The following TMEM51 variants were observed in gnomAD, a reference collection of about 807,000 sequenced individuals.
The protein encoded by TMEM51 is chromosome 1 open reading frame 72.
In TMEM51, 8 loss-of-function variants were observed where a neutral mutation model predicts 13.6. The ratio of observed to expected loss-of-function variants is 0.59; its 90% CI spans 0.35 to 1.07. The LOEUF (loss-of-function observed/expected upper bound fraction) is 1.07, where lower values mean the gene tolerates loss of function less well. Among genes scored for constraint, TMEM51 ranks in the 50% least tolerant of loss-of-function variants. The probability of loss-of-function intolerance (pLI) is 0.02; values close to 1 mark genes in which losing one functional copy is unlikely to be tolerated. For missense variants in TMEM51, 279 were observed against 330.7 expected, an observed-to-expected ratio of 0.84 and a Z score of 1.21; for synonymous variants, 147 against 144.4, an observed-to-expected ratio of 1.02 and a Z score of -0.13.
intron 1 of TMEM51, chr1:15,192,496 A>G (rs1161892833): frequency 5.7e-6 from 1 of 174,614 alleles, no homozygotes; most frequent in African/African-American, 3.2e-5. Context: ...TCTGCTGCCC[A>G]GGCTGGAGTG....
intron 1 of TMEM51, among the ~76,000 whole-genome samples, chr1:15,195,099 G>A (rs1004800115): frequency 6.6e-6 from 1 of 151,364 alleles, no homozygotes; most frequent in South Asian, 2.1e-4. Context: ...TAGTTTTTTT[G>A]TGTGTGTATT....
In TMEM51 at chr1:15,220,280, CTGT is replaced by C. The variant is rs954693480; in HGVS notation, c.*542_*544del. 3 of 153,694 alleles carry C rather than the reference CTGT, an allele frequency of 2.0e-5. No individual in the cohort carries two copies. Among genetic ancestry groups the C allele is most frequent in the African/African-American group, 4.9e-5 (2 of 40,950 alleles). 9.5% of individuals were successfully genotyped at this position (153,694 alleles called of 1,614,324 possible). A position where few individuals can be genotyped will look rare whatever the true frequency, so the allele number is the denominator to read the frequency against. On this transcript the variant is annotated 3_prime_UTR_variant, in exon 4 of 4. Coordinates refer to ENST00000376008, the MANE Select transcript of TMEM51 (RefSeq NM_001136218.2). ...GGCGGCTCTCGCAGAGCCCCTGATG[CTGT>C]TGTTCTTTGAGGGCTTAAGGCCTGA... is the stretch of plus-strand genomic sequence containing the variant.
intron 1 of TMEM51, among the ~76,000 whole-genome samples, chr1:15,155,805 G>T (rs1642571627): frequency 1.1e-5 from 1 of 93,580 alleles, no homozygotes. Flanking sequence ...ACCTTCTGTG[G>T]GCCAGGCGCT....
At position 15,190,944 on chromosome 1, in the gene TMEM51, C is replaced by G. The variant is rs566480795; in HGVS notation, c.-266-19546C>G. Among the ~76,000 whole-genome samples, 11 of 152,234 alleles carry G rather than the reference C, an allele frequency of 7.2e-5. No homozygotes were observed. In the South Asian group the frequency reaches 1.7e-3, roughly 23 times the overall value. Reference sequence around the variant, plus strand: ...ATGGAATTATAGGCACGTGCCACCACACCCGGCTAATTTTTTGTATTTTTA... The same window carrying G: ...ATGGAATTATAGGCACGTGCCACCAGACCCGGCTAATTTTTTGTATTTTTA... On this transcript the variant is annotated intron_variant, in intron 1 of 3. Coordinates refer to ENST00000376008, the MANE Select transcript of TMEM51 (RefSeq NM_001136218.2).
At chr1:15,191,889 T>C (rs1390000905) in intron 1 of TMEM51, 7 of 526,422 alleles carry the variant, frequency 1.3e-5, no homozygotes, top group Non-Finnish European at 3.9e-6. Context: ...TGACCATTTC[T>C]CTTTTAGCAC....
At position 15,186,713 on chromosome 1, in the gene TMEM51, C is replaced by T. The variant is rs560346578; in HGVS notation, c.-266-23777C>T. 3.9e-5 allele frequency among the ~76,000 whole-genome samples: 6 copies of T among 152,252 alleles called. No individual in the cohort carries two copies. The East Asian group carries it at 9.7e-4, about 25-fold the overall frequency. On this transcript the variant is annotated intron_variant, in intron 1 of 3. Transcript: ENST00000376008. The stretch of plus-strand genomic sequence containing the variant: ...GCCTTATGAGCAGGGCTTTATCCTG[C>T]TAGGCCATAGGGAGCCATGAAGGGA...
intron 1 of TMEM51, among the ~76,000 whole-genome samples, chr1:15,159,304 T>C (rs1329875706): frequency 1.3e-5 from 2 of 152,288 alleles, no homozygotes; most frequent in African/African-American, 4.8e-5. Context: ...AGGCCTCACA[T>C]TGAGGAGAAT....
intron 1 of TMEM51, among the ~76,000 whole-genome samples, chr1:15,160,825 G>T (rs908956285): frequency 6.6e-6 from 1 of 151,976 alleles, no homozygotes; most frequent in African/African-American, 2.4e-5. Context: ...TATGCCAGGC[G>T]CTGAGCCCAG....
intron 1 of TMEM51, among the ~76,000 whole-genome samples, chr1:15,187,358 CCT>C (rs1455660688): frequency 6.6e-6 from 1 of 152,216 alleles, no homozygotes; most frequent in African/African-American, 2.4e-5. Flanking sequence ...GCTGTCCATG[CCT>C]CTCTGTTCCT....
chr1:15,179,018 G>A (rs945098363), intron 1 of TMEM51, among the ~76,000 whole-genome samples: 3 of 152,184 alleles, frequency 2.0e-5, no homozygotes, highest in Non-Finnish European at 4.4e-5. Flanking sequence ...AATGTGGAAT[G>A]ACTCAGGGAC....
chr1:15,190,189 G>T (rs1047836293), intron 1 of TMEM51, among the ~76,000 whole-genome samples: 2 of 152,196 alleles, frequency 1.3e-5, no homozygotes, highest in African/African-American at 4.8e-5. Flanking sequence ...CTGTCTCACA[G>T]CCGTGCTCTG....
rs895431432 is a variant in TMEM51 at position 15,207,433 on chromosome 1, C to A, written c.-266-3057C>A. The stretch of plus-strand genomic sequence containing the variant: ...CCATCAATGCTTGGGCCCTTTACCC[C>A]GTTTCAGCCGGGGCAGCGCTGCTTT... On this transcript the variant is annotated intron_variant, in intron 1 of 3. Transcript: ENST00000376008. This position sits in a 1 kb window ranked among gnomAD's most constrained non-coding sequence, Gnocchi z 4.6. 1.3e-5 allele frequency among the ~76,000 whole-genome samples: 2 copies of A among 152,370 alleles called. No homozygotes were observed. The highest frequency in any genetic ancestry group is 2.1e-4 in the South Asian group (1 of 4,826).
intron 1 of TMEM51, among the ~76,000 whole-genome samples, chr1:15,189,307 C>T (rs770131196): frequency 8.0e-5 from 12 of 149,556 alleles, no homozygotes; most frequent in Non-Finnish European, 1.2e-4. Context: ...CCACCTGCCT[C>T]GGCCTCCCAA....
At chr1:15,201,713 C>A (rs963908083) in intron 1 of TMEM51, among the ~76,000 whole-genome samples, 1 of 152,142 alleles carries the variant, frequency 6.6e-6, no homozygotes, top group South Asian at 2.1e-4. Flanking sequence ...GGGAGGGGGA[C>A]AAGCTCGGCT....
At chr1:15,165,034 CT>C (rs1192654856) in intron 1 of TMEM51, among the ~76,000 whole-genome samples, 1 of 152,158 alleles carries the variant, frequency 6.6e-6, no homozygotes, top group Admixed American at 6.6e-5. Context: ...ACCTCTTGAC[CT>C]TGTGATCCGC....
intron 1 of TMEM51, among the ~76,000 whole-genome samples, chr1:15,154,278 T>C (rs538491163): frequency 6.6e-6 from 1 of 152,320 alleles, no homozygotes; most frequent in South Asian, 2.1e-4. Context: ...AACCCTTGGC[T>C]TCGCCAGAAG....
At chr1:15,173,214 C>CTTTTT (rs3078132) in intron 1 of TMEM51, among the ~76,000 whole-genome samples, 5 of 97,014 alleles carry the variant, frequency 5.2e-5, no homozygotes, top group African/African-American at 2.0e-4. Flanking sequence ...TGATCATATT[C>CTTTTT]TTTTTTTTTT....
chr1:15,187,490 C>T (rs762674140), intron 1 of TMEM51, among the ~76,000 whole-genome samples: 3 of 152,192 alleles, frequency 2.0e-5, no homozygotes, highest in Admixed American at 6.5e-5. Flanking sequence ...GTACCATGCC[C>T]GGCCCATGGG....
rs35399200 is a variant in TMEM51, at chr1:15,161,511, C to CAA, written c.-267+7560_-267+7561dup. On this transcript the variant is annotated intron_variant, in intron 1 of 3. Transcript: ENST00000376008. This position sits in a 1 kb window ranked among gnomAD's most constrained non-coding sequence, Gnocchi z 4.0. ...CAGAGTGAGACTCATCTCAAAAAAA[C>CAA]AAAAGTCATTTTTCTCAAAAAATTA... 0.16 allele frequency among the ~76,000 whole-genome samples: 23,722 copies of CAA among 151,484 alleles called. 2,104 individuals are homozygous for CAA. The highest frequency in any genetic ancestry group is 0.21 in the Middle Eastern group (61 of 290).
Sources: allele counts gnomAD v4.1 joint callset (sites outside exome capture counted in the v4.1 genomes callset), GRCh38; gene constraint gnomAD v4.1.1; non-coding constraint Gnocchi (gnomAD v3.1); transcripts MANE v1.5; gene names NCBI Gene and HGNC (gene_info 2026-07-23, HGNC 2026-07-21).